Variants in SAFB2 observed in about 807,000 individuals in gnomAD.
SAFB2 encodes the protein scaffold attachment factor B2.
A neutral mutation model predicts 100.6 loss-of-function variants in SAFB2; 32 were observed. The ratio of observed to expected loss-of-function variants is 0.32; its 90% CI spans 0.24 to 0.43. SAFB2 has a LOEUF of 0.43. Among genes scored for constraint, SAFB2 ranks in the 20% least tolerant of loss-of-function variants. The pLI is 1.00. For synonymous variants in SAFB2, 500 were observed against 439.4 expected, an observed-to-expected ratio of 1.14 and a Z score of -1.72; for missense variants, 1,185 against 1,163.4, an observed-to-expected ratio of 1.02 and a Z score of -0.27.
At chr19:5,614,126 TG>T (rs1348034060) in intron 4 of SAFB2, among the ~76,000 whole-genome samples, 1 of 152,176 alleles carries the variant, frequency 6.6e-6, no homozygotes, top group African/African-American at 2.4e-5. Flanking sequence ...GCTAATTTTT[TG>T]TATGTTTTAG....
intron 2 of SAFB2, among the ~76,000 whole-genome samples, chr19:5,621,012 A>C (rs1426419973): frequency 6.6e-6 from 1 of 152,192 alleles, no homozygotes; most frequent in Non-Finnish European, 1.5e-5. Context: ...GGTTCCTCAG[A>C]CCCGTAGAAG....
chr19:5,614,466 A>G (rs571652217), intron 4 of SAFB2, among the ~76,000 whole-genome samples: 2 of 152,336 alleles, frequency 1.3e-5, no homozygotes, highest in South Asian at 4.1e-4. Flanking sequence ...TGAGAAGTAC[A>G]CACTCTGAAA....
chr19:5,613,185 G>A (rs1035060714), intron 5 of SAFB2, among the ~76,000 whole-genome samples: 2 of 152,020 alleles, frequency 1.3e-5, no homozygotes, highest in South Asian at 2.1e-4. Context: ...CAACCTATCC[G>A]TCAGACCTCT....
intron 12 of SAFB2, among the ~76,000 whole-genome samples, chr19:5,599,791 C>T (rs1054073035): frequency 6.6e-6 from 1 of 152,142 alleles, no homozygotes; most frequent in African/African-American, 2.4e-5. Flanking sequence ...TACTGCACAC[C>T]TGCAAAATAG....
In SAFB2 at chr19:5,587,894, G is replaced by T. The variant is rs2052296981; in HGVS notation, c.2612C>A (p.Ala871Asp). 6.2e-7 allele frequency: 1 copy of T among 1,611,986 alleles called. No individual in the cohort carries two copies. The highest frequency in any genetic ancestry group is 1.7e-5 in the Admixed American group (1 of 59,892). Residue 871 changes from alanine (A) to aspartate (D), a missense_variant, in exon 19 of 21, where the codon GCT (alanine) becomes GAT (aspartate). By Grantham distance (126) the Ala-to-Asp change is moderately radical (BLOSUM62 -2). Coordinates refer to ENST00000252542, the MANE Select transcript of SAFB2 (RefSeq NM_014649.3). The surrounding 1 kb of genome is among the most constrained non-coding windows in gnomAD (Gnocchi z 4.9). ...TTGCCACCTGGCGTGCTCCCGGCTA[G>T]CCGCGCCTGCGTCCATGGCACCCTG... ...AWQGAMDAGA[A>D]SREHARWQGG...
chr19:5,593,088 C>T (rs1046368884), intron 15 of SAFB2, among the ~76,000 whole-genome samples: 1 of 152,196 alleles, frequency 6.6e-6, no homozygotes, highest in Non-Finnish European at 1.5e-5. Context: ...CCGAGAGGCA[C>T]ACTTGTGTTC....
At chr19:5,618,221 A>G (rs806709) in intron 2 of SAFB2, among the ~76,000 whole-genome samples, 143,742 of 152,266 alleles carry the variant, frequency 0.94, 67,941 homozygotes, top group Middle Eastern at 1. Context: ...AAACAGCCGG[A>G]CGTGGTGGCG....
chr19:5,616,572 C>T, intron 2 of SAFB2, 86 bp from the exon 3 acceptor site: 1 of 1,061,652 alleles, frequency 9.4e-7, no homozygotes, highest in Admixed American at 1.7e-5. Context: ...AATCTTAGAA[C>T]AGAACACATT....
chr19:5,588,671 C>T (rs771326281), intron 18 of SAFB2, among the ~76,000 whole-genome samples: 9 of 152,180 alleles, frequency 5.9e-5, no homozygotes, highest in Non-Finnish European at 1.2e-4. Context: ...TGACTCAAGA[C>T]GGCAAATCCA....
chr19:5,613,555 G>C (rs377092878), intron 4 of SAFB2, 28 bp from the exon 5 acceptor site: 67 of 1,608,862 alleles, frequency 4.2e-5, no homozygotes, highest in Non-Finnish European at 5.6e-5. Context: ...AGATGACTTC[G>C]TGGAGGCTGG....
In SAFB2 at chr19:5,587,120, T is replaced by G. The variant is rs2052267319; in HGVS notation, c.*123A>C. The G allele has an allele frequency of 3.8e-6, 5 of 1,301,004 alleles. No individual in the cohort carries two copies. The highest frequency in any genetic ancestry group is 2.2e-5 in the Admixed American group (1 of 45,374). 80.6% of individuals were successfully genotyped at this position (1,301,004 alleles called of 1,614,324 possible). On this transcript the variant is annotated 3_prime_UTR_variant, in exon 21 of 21. Transcript: ENST00000252542. This position sits in a 1 kb window ranked among gnomAD's most constrained non-coding sequence, Gnocchi z 4.9. The stretch of plus-strand genomic sequence containing the variant: ...AAAAAAAAAGTGAGTTCACATTGTA[T>G]TGAGCTACAACATGGTGGCAGGATT...
In SAFB2 at chr19:5,592,926, ATG is replaced by A; in HGVS notation, c.2208-41_2208-40del. 3.7e-6 allele frequency: 6 copies of A among 1,600,360 alleles called. No individual in the cohort carries two copies. In the African/African-American group the frequency reaches 8.0e-5, roughly 21 times the overall value. On this transcript the variant is annotated intron_variant, in intron 15 of 20. Coordinates refer to ENST00000252542, the MANE Select transcript of SAFB2 (RefSeq NM_014649.3). ...TTTTAAAAGAATACAAATTCCATTA[ATG>A]AGAGAGGAGGAGGAAAAAAGGAGGA...
At chr19:5,610,248 G>A (rs1435246640) in intron 8 of SAFB2, 153 bp from the exon 9 acceptor site, 6 of 640,052 alleles carry the variant, frequency 9.4e-6, no homozygotes, top group Admixed American at 2.7e-5. Flanking sequence ...CCAACACACA[G>A]AAGGCTGAAA....
chr19:5,604,097 G>A (rs2052720801), intron 11 of SAFB2, among the ~76,000 whole-genome samples: 1 of 152,188 alleles, frequency 6.6e-6, no homozygotes, highest in African/African-American at 2.4e-5. Flanking sequence ...GGGCTACTTC[G>A]TTAAATAGCT....
chr19:5,595,284 C>A, intron 14 of SAFB2, 77 bp downstream of exon 14: 2 of 1,554,052 alleles, frequency 1.3e-6, no homozygotes, highest in Non-Finnish European at 1.7e-6. Context: ...AGACTGCGCA[C>A]TCCAAGTACA....
At chr19:5,620,670 G>A (rs1599286365) in intron 2 of SAFB2, among the ~76,000 whole-genome samples, 5 of 152,226 alleles carry the variant, frequency 3.3e-5, no homozygotes, top group Admixed American at 2.0e-4. Context: ...GGGCTGGAGG[G>A]AGAAAAGTAA....
At chr19:5,595,280 C>T (rs1474158110) in intron 14 of SAFB2, 81 bp downstream of exon 14, 30 of 1,532,194 alleles carry the variant, frequency 2.0e-5, no homozygotes, top group South Asian at 6.0e-5. Context: ...ACACAGACTG[C>T]GCACTCCAAG....
chr19:5,611,999 A>C (rs2052918284), intron 6 of SAFB2: 2 of 384,048 alleles, frequency 5.2e-6, no homozygotes, highest in African/African-American at 4.1e-5. Context: ...TCAACTTCCA[A>C]ATTTCTTTGA....
intron 2 of SAFB2, among the ~76,000 whole-genome samples, chr19:5,620,078 G>C (rs977987879): frequency 6.6e-6 from 1 of 152,178 alleles, no homozygotes; most frequent in Admixed American, 6.5e-5. Flanking sequence ...CTCACATTCT[G>C]AATGTGCTCA....
Sources: gnomAD v4.1 joint callset for allele counts (sites outside exome capture counted in the v4.1 genomes callset) on GRCh38, gnomAD v4.1.1 for gene constraint, Gnocchi (gnomAD v3.1) non-coding constraint, MANE v1.5 for transcripts, NCBI Gene and HGNC (gene_info 2026-07-23, HGNC 2026-07-21) for gene names.